The following COL16A1 variants were observed in gnomAD, a reference collection of about 807,000 sequenced individuals.
The protein encoded by COL16A1 is collagen alpha-1(XVI) chain.
COL16A1 carries 189 observed loss-of-function variants against 266.3 expected under a neutral mutation model. The observed-to-expected ratio is 0.71, with a 90% CI of 0.63 to 0.80. The LOEUF (loss-of-function observed/expected upper bound fraction) is 0.80, where lower values mean the gene tolerates loss of function less well. Ranked by LOEUF, COL16A1 falls within the 30% of genes least tolerant of loss-of-function variation. The pLI is 0.00. For missense variants in COL16A1, 1,928 were observed against 2,122.4 expected, an observed-to-expected ratio of 0.91 and a Z score of 1.80; for synonymous variants, 740 against 782.3, an observed-to-expected ratio of 0.95 and a Z score of 0.90.
intron 17 of COL16A1, 100 bp downstream of exon 17, chr1:31,691,905 G>A (rs1644287462): frequency 1.3e-6 from 2 of 1,568,910 alleles, no homozygotes; most frequent in South Asian, 1.1e-5. Flanking sequence ...TCCCCACCCT[G>A]TCTGAGCAAG....
At position 31,658,534 on chromosome 1, in the gene COL16A1, G is replaced by A; in HGVS notation, c.3974C>T (p.Ala1325Val). ...GGGGCCGGGCTGGCCTGGGAGGCCT[G>A]CAAGGCCCCTTTCTCCGGTGGCTCC... is the stretch of plus-strand genomic sequence containing the variant. ...DRGATGERGL[A>V]GLPGQPGPPG... is the part of the protein sequence containing the mutation. Residue 1325 changes from alanine (A) to valine (V), a missense_variant, in exon 64 of 71, where the codon GCA becomes GTA. Ala to Val is a moderately conservative substitution (Grantham distance 64). Around this residue, in one of 2 missense-constraint regions of COL16A1, gnomAD observed 376 missense variants for 485.2 expected, o/e 0.77. Coordinates refer to ENST00000373672, the MANE Select transcript of COL16A1 (RefSeq NM_001856.4). 6.2e-7 allele frequency: 1 copy of A among 1,605,296 alleles called. No homozygotes were observed. The highest frequency in any genetic ancestry group is 8.5e-7 in the Non-Finnish European group (1 of 1,176,812).
chr1:31,668,302 A>G lies in COL16A1; in HGVS notation c.3250-84T>C, dbSNP rs1570409332. On this transcript the variant is annotated intron_variant, in intron 50 of 70. Transcript: ENST00000373672. The surrounding 1 kb of genome is among the most constrained non-coding windows in gnomAD (Gnocchi z 5.8). ...GGGTAAGAGGATGGCCAAAGCTAAA[A>G]CCTCTGGGGCTGCCATCTAGCAGGT... is the stretch of plus-strand genomic sequence containing the variant. The G allele has an allele frequency of 1.6e-5, 23 of 1,427,550 alleles. No homozygotes were observed. Among genetic ancestry groups the G allele is most frequent in the Non-Finnish European group, 2.2e-5 (22 of 1,018,406 alleles). 88.4% of individuals were successfully genotyped at this position (1,427,550 alleles called of 1,614,324 possible).
chr1:31,656,123 T>C lies in COL16A1; in HGVS notation c.4101+277A>G. ...CTGAGGCCAGGACAAGGGCCTGGAA[T>C]GTGAGCAGGAGCAAGGGAGTGCTCG... On this transcript the variant is annotated intron_variant, in intron 66 of 70. Transcript: ENST00000373672. This position sits in a 1 kb window ranked among gnomAD's most constrained non-coding sequence, Gnocchi z 4.2. The C allele has an allele frequency of 1.9e-6, 1 of 523,588 alleles. No homozygotes were observed. The highest frequency in any genetic ancestry group is 3.4e-6 in the Non-Finnish European group (1 of 295,502). The allele number at this position is 523,588 out of a possible 1,614,324, so 32.4% of individuals were successfully genotyped here.
intron 2 of COL16A1, among the ~76,000 whole-genome samples, chr1:31,700,702 A>C (rs544469606): frequency 6.6e-6 from 1 of 152,218 alleles, no homozygotes; most frequent in East Asian, 1.9e-4. Flanking sequence ...AACGTCCTAC[A>C]TCCAAATCAG....
intron 62 of COL16A1, chr1:31,660,289 G>T (rs886133692): frequency 9.5e-6 from 3 of 315,576 alleles, no homozygotes; most frequent in African/African-American, 4.3e-5. Flanking sequence ...CTGTCACTCT[G>T]TCTCCCCAAC....
rs1326044663 is a variant in COL16A1, at chr1:31,658,791, A to G, written c.3930+123T>C. Reference sequence around the variant, plus strand: ...AGATCTTTGGAGGCAGGAGAGGCTGACACCAGGGAAGGAGGGGATGAGACA... The same window carrying G: ...AGATCTTTGGAGGCAGGAGAGGCTGGCACCAGGGAAGGAGGGGATGAGACA... On this transcript the variant is annotated intron_variant, in intron 63 of 70. Coordinates refer to ENST00000373672, the MANE Select transcript of COL16A1 (RefSeq NM_001856.4). 20 of 1,240,452 alleles carry G rather than the reference A, an allele frequency of 1.6e-5. No homozygotes were observed. In the East Asian group the frequency reaches 5.1e-4, roughly 32 times the overall value. The allele number at this position is 1,240,452 out of a possible 1,614,324, so 76.8% of individuals were successfully genotyped here. A position where few individuals can be genotyped will look rare whatever the true frequency, so the allele number is the denominator to read the frequency against.
At chr1:31,660,272 T>A (rs1355754759) in intron 62 of COL16A1, 1 of 284,306 alleles carries the variant, frequency 3.5e-6, no homozygotes, top group Non-Finnish European at 6.5e-6. Context: ...CCCTGGTTCT[T>A]CTCTTTCTGT....
At position 31,652,565 on chromosome 1, in the gene COL16A1, A is replaced by G; in HGVS notation, c.*86T>C. The G allele has an allele frequency of 7.5e-7, 1 of 1,339,662 alleles. No homozygotes were observed. Among genetic ancestry groups the G allele is most frequent in the Non-Finnish European group, 9.7e-7 (1 of 1,027,302 alleles). The allele number at this position is 1,339,662 out of a possible 1,614,324, so 83.0% of individuals were successfully genotyped here. A position where few individuals can be genotyped will look rare whatever the true frequency, so the allele number is the denominator to read the frequency against. ...TTAAAAACAACAACAACAACAAAAA[A>G]AACATTCACAACCTGTCACAGAGTC... is the stretch of plus-strand genomic sequence containing the variant. On this transcript the variant is annotated 3_prime_UTR_variant, in exon 71 of 71. Coordinates refer to ENST00000373672, the MANE Select transcript of COL16A1 (RefSeq NM_001856.4). This position sits in a 1 kb window ranked among gnomAD's most constrained non-coding sequence, Gnocchi z 4.8.
At chr1:31,684,784 G>A (rs771295044) in intron 30 of COL16A1, 37 bp downstream of exon 30, 35 of 1,613,886 alleles carry the variant, frequency 2.2e-5, no homozygotes, top group South Asian at 6.6e-5. Context: ...CTGAGATGAT[G>A]CCATGCCCAC....
chr1:31,695,292 AC>A, intron 10 of COL16A1, 71 bp from the exon 11 acceptor site: 1 of 1,427,932 alleles, frequency 7.0e-7, no homozygotes, highest in Non-Finnish European at 9.9e-7. Flanking sequence ...CTCCATCACC[AC>A]CAGGCCCACA....
intron 67 of COL16A1, 125 bp downstream of exon 67, chr1:31,655,189 T>A: frequency 1.4e-6 from 2 of 1,437,480 alleles, no homozygotes; most frequent in East Asian, 2.4e-5. Flanking sequence ...AGTTAAGAGC[T>A]GCCCTCTATG....
chr1:31,698,483 C>T lies in COL16A1; in HGVS notation c.390G>A (p.Gln130=). The change falls in exon 5 of 71, where the codon CAG becomes CAA. Residue 130 remains glutamine (Q), a splice_region_variant and synonymous_variant. Transcript: ENST00000373672. This position sits in a 1 kb window ranked among gnomAD's most constrained non-coding sequence, Gnocchi z 4.1. ...CAATCAGGGCACAGGGGAGGTTCAC[C>T]TGTGGATACCCATTTGCATCGGTCA... The part of the protein sequence containing the change: ...FQVTDANGYP[Q]ISLEVNSQER... The T allele has an allele frequency of 6.2e-7, 1 of 1,614,162 alleles. No individual in the cohort carries two copies.
chr1:31,700,356 G>A (rs1644681697), intron 2 of COL16A1, among the ~76,000 whole-genome samples: 1 of 152,232 alleles, frequency 6.6e-6, no homozygotes, highest in African/African-American at 2.4e-5. Context: ...AGGTCACTAA[G>A]TGAGCCAACA....
At chr1:31,677,561 G>A (rs1380153810) in intron 42 of COL16A1, among the ~76,000 whole-genome samples, 3 of 152,204 alleles carry the variant, frequency 2.0e-5, no homozygotes, top group Admixed American at 6.5e-5. Flanking sequence ...ATTGAAAGCT[G>A]GGCTCAATGA....
rs1483992100 is a variant in COL16A1 at position 31,691,390 on chromosome 1, C to T, written c.1398+27G>A. On this transcript the variant is annotated intron_variant, in intron 19 of 70. Coordinates refer to ENST00000373672, the MANE Select transcript of COL16A1 (RefSeq NM_001856.4). ...GGGAGAGCGGTCTCTGAGAAAAGCA[C>T]AGCAGGAGAAGCAAGGGGGTACTCA... is the stretch of plus-strand genomic sequence containing the variant. 6.9e-6 allele frequency: 11 copies of T among 1,599,512 alleles called. No individual in the cohort carries two copies. In the South Asian group the frequency reaches 9.0e-5, roughly 13 times the overall value.
intron 44 of COL16A1, 47 bp from the exon 45 acceptor site, chr1:31,672,887 C>T: frequency 6.4e-7 from 1 of 1,574,706 alleles, no homozygotes; most frequent in South Asian, 1.1e-5. Flanking sequence ...TAGAGATGGG[C>T]AGGATGGGCC....
chr1:31,674,497 C>T (rs1254311710), intron 44 of COL16A1, among the ~76,000 whole-genome samples: 2 of 152,212 alleles, frequency 1.3e-5, no homozygotes, highest in South Asian at 2.1e-4. Context: ...TGGCACAGGC[C>T]GACCCTCTGA....
In COL16A1 at chr1:31,697,104, G is replaced by C. The variant is rs1432662707; in HGVS notation, c.739-16C>G. On this transcript the variant is annotated splice_polypyrimidine_tract_variant and intron_variant, in intron 7 of 70. Transcript: ENST00000373672. This position sits in a 1 kb window ranked among gnomAD's most constrained non-coding sequence, Gnocchi z 4.2. ...CTGGGGGGCACTGTTTGGTGGAAGA[G>C]CGGGGCTAGGGTCAGTACAGGAGCA... 29 of 1,614,060 alleles carry C rather than the reference G, an allele frequency of 1.8e-5. No homozygotes were observed. Among genetic ancestry groups the C allele is most frequent in the Non-Finnish European group, 2.3e-5 (27 of 1,179,998 alleles).
chr1:31,673,864 T>C (rs961833424), intron 44 of COL16A1, among the ~76,000 whole-genome samples: 2 of 152,210 alleles, frequency 1.3e-5, no homozygotes, highest in Non-Finnish European at 2.9e-5. Context: ...ATCTGACCCC[T>C]TCTCCACACT....
Sources: gnomAD v4.1 joint callset for allele counts (sites outside exome capture counted in the v4.1 genomes callset) on GRCh38, gnomAD v4.1.1 for gene constraint, gnomAD v4.1.1 regional missense constraint, Gnocchi (gnomAD v3.1) non-coding constraint, MANE v1.5 for transcripts, NCBI Gene and HGNC (gene_info 2026-07-23, HGNC 2026-07-21) for gene names.